CHODL: variants seen among roughly 807,000 people sequenced by gnomAD.
The protein encoded by CHODL is transmembrane protein MT75.
A neutral mutation model predicts 34.5 loss-of-function variants in CHODL; 29 were observed. That is an observed-to-expected ratio of 0.84 (90% CI 0.63 to 1.15). CHODL has a LOEUF of 1.15. Among genes scored for constraint, CHODL ranks in the 50% most tolerant of loss-of-function variants. The probability of loss-of-function intolerance (pLI) is 0.00; values close to 1 mark genes in which losing one functional copy is unlikely to be tolerated. For missense variants in CHODL, 332 were observed against 332.5 expected, an observed-to-expected ratio of 1.00 and a Z score of 0.01; for synonymous variants, 125 against 116.1, an observed-to-expected ratio of 1.08 and a Z score of -0.49.
intron 2 of CHODL, chr21:18,134,452 G>C: frequency 4.3e-6 from 2 of 469,026 alleles, no homozygotes; most frequent in Non-Finnish European, 8.6e-6. Context: ...ATCTTTCTTT[G>C]CTCCTTTCCT....
chr21:18,095,919 T>C (rs956400438), intron 2 of CHODL, among the ~76,000 whole-genome samples: 6 of 152,336 alleles, frequency 3.9e-5, no homozygotes, highest in Admixed American at 6.5e-5. Flanking sequence ...ATCGTTTCAG[T>C]TGATACTAAA....
intron 2 of CHODL, among the ~76,000 whole-genome samples, chr21:18,178,232 C>T (rs2073340094): frequency 6.6e-6 from 1 of 152,130 alleles, no homozygotes; most frequent in Non-Finnish European, 1.5e-5. Flanking sequence ...TTGAAAAGTC[C>T]GTATTCTACA....
At position 18,256,759 on chromosome 21, in the gene CHODL, A is replaced by G. The variant is rs1601217181; in HGVS notation, c.330A>G (p.Gln110=). 1 of 1,614,100 alleles carries G rather than the reference A, an allele frequency of 6.2e-7. No homozygotes were observed. The highest frequency in any genetic ancestry group is 1.1e-5 in the South Asian group (1 of 91,072). ...WIGLWRNGDG[Q]TSGACPDLYQ... ...GGCTTTGGAGGAATGGAGATGGGCA[A>G]ACATCTGGTGCCTGCCCAGATCTCT... Residue 110 remains glutamine, a synonymous_variant, in exon 2 of 6, where the codon CAA becomes CAG. Coordinates refer to ENST00000299295, the MANE Select transcript of CHODL (RefSeq NM_024944.3).
chr21:18,187,628 A>T (rs1193223367), intron 2 of CHODL, among the ~76,000 whole-genome samples: 2 of 152,090 alleles, frequency 1.3e-5, no homozygotes, highest in Non-Finnish European at 2.9e-5. Flanking sequence ...AAGTTGATGG[A>T]TGTTTTCTTA....
intron 2 of CHODL, among the ~76,000 whole-genome samples, chr21:18,058,132 A>G (rs2064607674): frequency 6.6e-6 from 1 of 152,026 alleles, no homozygotes; most frequent in African/African-American, 2.4e-5. Context: ...TCCCCTATCC[A>G]CTATCCTTCT....
At chr21:18,092,622 T>C (rs1055575561) in intron 2 of CHODL, among the ~76,000 whole-genome samples, 1 of 152,034 alleles carries the variant, frequency 6.6e-6, no homozygotes, top group Non-Finnish European at 1.5e-5. Flanking sequence ...GTTAAAAAGA[T>C]TGAAATAATT....
intron 2 of CHODL, among the ~76,000 whole-genome samples, chr21:18,170,483 C>A (rs2073213815): frequency 6.6e-6 from 1 of 152,048 alleles, no homozygotes; most frequent in African/African-American, 2.4e-5. Context: ...CTCTTTTGTA[C>A]TTCTCTATTA....
intron 1 of CHODL, among the ~76,000 whole-genome samples, chr21:18,003,183 T>C (rs2063927500): frequency 6.6e-6 from 1 of 151,076 alleles, no homozygotes; most frequent in African/African-American, 2.4e-5. Flanking sequence ...TCACTAGCTT[T>C]ATCTAGTTTC....
At chr21:18,175,177 G>A (rs1322979328) in intron 2 of CHODL, among the ~76,000 whole-genome samples, 1 of 152,138 alleles carries the variant, frequency 6.6e-6, no homozygotes, top group Non-Finnish European at 1.5e-5. Context: ...TCTCTAAATT[G>A]CAGTACAGAT....
At chr21:18,046,148 G>C (rs1485091336) in intron 2 of CHODL, among the ~76,000 whole-genome samples, 1 of 151,894 alleles carries the variant, frequency 6.6e-6, no homozygotes, top group Non-Finnish European at 1.5e-5. Flanking sequence ...TGAGAAGGTG[G>C]AGGAGACCGA....
intron 2 of CHODL, among the ~76,000 whole-genome samples, chr21:18,207,002 A>G (rs1372803247): frequency 2.0e-5 from 3 of 151,998 alleles, no homozygotes. Context: ...CGTCATTTAC[A>G]TTAGGTATTT....
At chr21:17,964,970 A>G (rs901107843) in intron 1 of CHODL, among the ~76,000 whole-genome samples, 5 of 152,296 alleles carry the variant, frequency 3.3e-5, no homozygotes, top group African/African-American at 1.2e-4. Flanking sequence ...ACATCTGGAA[A>G]CCATCAGTAA....
Position 18,105,992 on chromosome 21 carries a change from C to A in CHODL, c.-45+78021C>A, listed in dbSNP as rs554930607. Among the ~76,000 whole-genome samples, 61 of 152,170 alleles carry A rather than the reference C, an allele frequency of 4.0e-4. 2 individuals carry two copies. Among genetic ancestry groups the A allele is most frequent in the Admixed American group, 3.3e-3 (50 of 15,280 alleles). ...AGGATCTCAGGTAGCAGTGGCCAAC[C>A]AGCCACACCTAAATTCTAGGAGCAA... On this transcript the variant is annotated intron_variant, in intron 2 of 6. Transcript: ENST00000400127.
chr21:18,153,523 G>C (rs1194694026), intron 2 of CHODL, among the ~76,000 whole-genome samples: 1 of 151,866 alleles, frequency 6.6e-6, no homozygotes, highest in Non-Finnish European at 1.5e-5. Flanking sequence ...CTCTTTTAAT[G>C]GCTCTTCTGC....
chr21:17,962,144 A>G (rs2063536729), intron 1 of CHODL, among the ~76,000 whole-genome samples: 1 of 152,232 alleles, frequency 6.6e-6, no homozygotes, highest in African/African-American at 2.4e-5. Flanking sequence ...GGTGTGGGAA[A>G]GCAGGAATAC....
At chr21:18,243,387 C>A (rs73318220), upstream of CHODL, among the ~76,000 whole-genome samples, 591 of 152,112 alleles carry the variant, frequency 3.9e-3, no homozygotes, top group African/African-American at 0.013. Context: ...GTCTGTTTCT[C>A]GTGAATAATT....
intron 1 of CHODL, among the ~76,000 whole-genome samples, chr21:17,983,747 A>G (rs1428436187): frequency 1.3e-5 from 2 of 152,174 alleles, no homozygotes; most frequent in African/African-American, 2.4e-5. Context: ...TGACATCTCT[A>G]TTGAGGTATA....
At chr21:18,105,718 G>A (rs544038188) in intron 2 of CHODL, among the ~76,000 whole-genome samples, 4 of 152,298 alleles carry the variant, frequency 2.6e-5, no homozygotes, top group South Asian at 4.1e-4. Flanking sequence ...ATTCTAATGT[G>A]AGAATTAATA....
chr21:18,255,160 C>A lies in CHODL; in HGVS notation c.80-1349C>A, dbSNP rs186057738. Among the ~76,000 whole-genome samples, 442 of 152,052 alleles carry A rather than the reference C, an allele frequency of 2.9e-3. 1 individual carries two copies. Among genetic ancestry groups the A allele is most frequent in the African/African-American group, 0.01 (427 of 41,532 alleles). ...AAGATAAAAAATAGATTTTAAACTT[C>A]CCTTCCAAATTCAGAGTATTCTATG... On this transcript the variant is annotated intron_variant, in intron 1 of 5. Coordinates refer to ENST00000299295, the MANE Select transcript of CHODL (RefSeq NM_024944.3).
Sources: allele counts gnomAD v4.1 joint callset (sites outside exome capture counted in the v4.1 genomes callset), GRCh38; gene constraint gnomAD v4.1.1; transcripts MANE v1.5; gene names NCBI Gene and HGNC (gene_info 2026-07-23, HGNC 2026-07-21).